Variants in ZSCAN18 observed in about 807,000 individuals in gnomAD.
ZSCAN18 encodes zinc finger and SCAN domain containing 18.
ZSCAN18 carries 16 observed loss-of-function variants against 31.1 expected under a neutral mutation model. The ratio of observed to expected loss-of-function variants is 0.51; its 90% CI spans 0.35 to 0.78. The LOEUF is 0.78. Ranked by LOEUF, ZSCAN18 falls within the 30% of genes least tolerant of loss-of-function variation. The pLI, the probability that ZSCAN18 is intolerant of heterozygous loss-of-function variation, is 0.01. For missense variants in ZSCAN18, 731 were observed against 697.4 expected, an observed-to-expected ratio of 1.05 and a Z score of -0.54; for synonymous variants, 375 against 320.7, an observed-to-expected ratio of 1.17 and a Z score of -1.81.
chr19:58,111,493 G>A (rs182081279), intron 1 of ZSCAN18, among the ~76,000 whole-genome samples: 1 of 151,842 alleles, frequency 6.6e-6, no homozygotes, highest in African/African-American at 2.4e-5. Context: ...CTACAGGTAT[G>A]CACCACCATG....
At position 58,090,528 on chromosome 19, in the gene ZSCAN18, T is replaced by G; in HGVS notation, c.-119-142A>C. ...TTGTTAGGCATCAGTAGAACCTCAG[T>G]GTTGTACTCATGTAGATAAAAAGTA... On this transcript the variant is annotated intron_variant, in intron 1 of 6. Transcript: ENST00000601144. This position sits in a 1 kb window ranked among gnomAD's most constrained non-coding sequence, Gnocchi z 4.7. The G allele has an allele frequency of 5.9e-6, 4 of 674,130 alleles. No homozygotes were observed. The highest frequency in any genetic ancestry group is 9.7e-6 in the Non-Finnish European group (4 of 412,796). The allele number at this position is 674,130 out of a possible 1,614,324, so 41.8% of individuals were successfully genotyped here. A position where few individuals can be genotyped will look rare whatever the true frequency, so the allele number is the denominator to read the frequency against.
intron 4 of ZSCAN18, 39 bp downstream of exon 4, chr19:58,087,277 A>C (rs1424562204): frequency 6.4e-7 from 1 of 1,562,006 alleles, no homozygotes; most frequent in Admixed American, 1.9e-5. Context: ...CTCTAAGCTG[A>C]GGCCAAGGCC....
chr19:58,084,995 G>C lies in ZSCAN18; in HGVS notation c.1223C>G (p.Ser408Cys), dbSNP rs779646820. ...QGPGADEPGLSRGKPYACGEC... is the reference protein window; with the variant it reads ...QGPGADEPGLCRGKPYACGEC... Reference sequence around the variant, plus strand: ...GCCGCAGGCATAGGGCTTCCCGCGGGACAAGCCCGGCTCGTCAGCCCCAGG... The same window carrying C: ...GCCGCAGGCATAGGGCTTCCCGCGGCACAAGCCCGGCTCGTCAGCCCCAGG... The change falls in exon 7 of 7, where the codon TCC becomes TGC. Residue 408 changes from serine (S) to cysteine (C), a missense_variant. Ser to Cys is a moderately radical substitution (Grantham distance 112). Around this residue, in one of 4 missense-constraint regions of ZSCAN18, gnomAD observed 597 missense variants for 499.5 expected, o/e 1.20. Coordinates refer to ENST00000601144, the MANE Select transcript of ZSCAN18 (RefSeq NM_001145543.2). The surrounding 1 kb of genome is among the most constrained non-coding windows in gnomAD (Gnocchi z 4.5). The C allele has an allele frequency of 3.8e-6, 6 of 1,594,990 alleles. No individual in the cohort carries two copies. Among genetic ancestry groups the C allele is most frequent in the Non-Finnish European group, 5.1e-6 (6 of 1,171,398 alleles).
chr19:58,109,164 G>C, intron 1 of ZSCAN18: 2 of 1,230,822 alleles, frequency 1.6e-6, no homozygotes, highest in Non-Finnish European at 2.0e-6. Context: ...TTTCTACCTG[G>C]TCCTCACATT....
At chr19:58,112,950 C>CCAAAAA (rs753238093) in intron 1 of ZSCAN18, among the ~76,000 whole-genome samples, 2 of 69,492 alleles carry the variant, frequency 2.9e-5, no homozygotes, top group African/African-American at 1.1e-4. Context: ...GGCTCCGTTT[C>CCAAAAA]AAAAAAAAAA....
At position 58,085,264 on chromosome 19, in the gene ZSCAN18, CG is replaced by C; in HGVS notation, c.953del (p.Pro318ArgfsTer111). 3 of 1,603,566 alleles carry C rather than the reference CG, an allele frequency of 1.9e-6. No individual in the cohort carries two copies. The highest frequency in any genetic ancestry group is 8.5e-7 in the Non-Finnish European group (1 of 1,178,048). On this transcript the variant is annotated frameshift_variant, in exon 7 of 7. Coordinates refer to ENST00000601144, the MANE Select transcript of ZSCAN18 (RefSeq NM_001145543.2). LOFTEE classifies it low-confidence loss of function (END_TRUNC). Reference sequence around the variant, plus strand: ...CTTCCTCCTCCTCAGTGGTGCCCGACGGGGGATCGGCAAGGGCGTCCCCAGG... The same window carrying C: ...CTTCCTCCTCCTCAGTGGTGCCCGACGGGGATCGGCAAGGGCGTCCCCAGG... Reference protein sequence around the residue: ...APPGDALADPPSGTTEEEEEQ... With the variant: ...APPGDALADPXSGTTEEEEEQ...
intron 1 of ZSCAN18, among the ~76,000 whole-genome samples, chr19:58,106,757 TTTTG>T (rs1422288375): frequency 1.8e-5 from 1 of 54,222 alleles, no homozygotes; most frequent in East Asian, 3.1e-4. Context: ...CATCTGTTTT[TTTTG>T]TTTTTTTGTT....
intron 3 of ZSCAN18, chr19:58,088,428 G>A: frequency 2.3e-6 from 1 of 433,164 alleles, no homozygotes; most frequent in Non-Finnish European, 4.2e-6. Context: ...CATGGTCGGG[G>A]GTTGGGAGAT....
chr19:58,084,914 T>C lies in ZSCAN18; in HGVS notation c.1304A>G (p.His435Arg). 1 of 1,594,964 alleles carries C rather than the reference T, an allele frequency of 6.3e-7. No individual in the cohort carries two copies. Among genetic ancestry groups the C allele is most frequent in the Non-Finnish European group, 8.5e-7 (1 of 1,172,842 alleles). The change falls in exon 7 of 7, where the codon CAT becomes CGT. Residue 435 changes from histidine to arginine, a missense_variant. This residue lies in a region of ZSCAN18 where 597 missense variants were observed against 499.5 expected (regional missense o/e 1.20). Coordinates refer to ENST00000601144, the MANE Select transcript of ZSCAN18 (RefSeq NM_001145543.2). This position sits in a 1 kb window ranked among gnomAD's most constrained non-coding sequence, Gnocchi z 4.5. The part of the protein sequence containing the change: ...LSHLMEHHSS[H>R]GGRKRYACQG... Reference sequence around the variant, plus strand: ...ACAGGCGTAGCGCTTCCGGCCGCCATGGCTGCTGTGGTGCTCCATCAGGTG... The same window carrying C: ...ACAGGCGTAGCGCTTCCGGCCGCCACGGCTGCTGTGGTGCTCCATCAGGTG...
In ZSCAN18 at chr19:58,104,748, A is replaced by AATAAAAT. The variant is rs1182821221; in HGVS notation, c.130+13518_130+13519insATTTTAT. Among the ~76,000 whole-genome samples the AATAAAAT allele has an allele frequency of 3.6e-5, 3 of 83,324 alleles. No individual in the cohort carries two copies. The East Asian group carries it at 6.4e-4, about 18-fold the overall frequency. 54.7% of individuals were successfully genotyped at this position (83,324 alleles called of 152,430 possible). Reference sequence around the variant, plus strand: ...AATAAAATAAAATAAAATAAAATAAAAAAGTCTGAAGCTAGCAGAGGTTGG... The same window carrying AATAAAAT: ...AATAAAATAAAATAAAATAAAATAAAATAAAATAAAGTCTGAAGCTAGCAGAGGTTGG... On this transcript the variant is annotated intron_variant, in intron 1 of 1. Coordinates refer to the ZSCAN18 transcript ENST00000595721.
chr19:58,102,182 G>A (rs987956420), upstream of ZSCAN18, among the ~76,000 whole-genome samples: 9 of 152,082 alleles, frequency 5.9e-5, no homozygotes, highest in African/African-American at 2.2e-4. Flanking sequence ...TACTCAGCCG[G>A]GCGCAGTGGT....
chr19:58,106,727 AAG>A (rs1273795570), intron 1 of ZSCAN18, among the ~76,000 whole-genome samples: 3 of 9,252 alleles, frequency 3.2e-4, no homozygotes, highest in African/African-American at 6.4e-4. Flanking sequence ...AAAAAAAAAA[AAG>A]AAAGAAAGAA....
chr19:58,087,198 G>T (rs2074298506), intron 4 of ZSCAN18, 118 bp downstream of exon 4: 2 of 1,178,508 alleles, frequency 1.7e-6, no homozygotes, highest in Non-Finnish European at 2.4e-6. Flanking sequence ...GGTGGGTTCT[G>T]GGCCTCAGCG....
Position 58,088,788 on chromosome 19 carries a change from T to TC in ZSCAN18, c.452dup (p.Val152SerfsTer32). The TC allele has an allele frequency of 6.2e-7, 1 of 1,612,490 alleles. No homozygotes were observed. The highest frequency in any genetic ancestry group is 8.5e-7 in the Non-Finnish European group (1 of 1,179,906). ...GAGGGTCCATGTGCCTCTCGTACAC[T>TC]CCATCGCTAAGAATTGAGGATGAGC... is the stretch of plus-strand genomic sequence containing the variant. On this transcript the variant is annotated frameshift_variant, in exon 3 of 7. Coordinates refer to ENST00000601144, the MANE Select transcript of ZSCAN18 (RefSeq NM_001145543.2). LOFTEE classifies it high-confidence loss of function.
At chr19:58,087,202 C>T (rs2074298693) in intron 4 of ZSCAN18, 114 bp downstream of exon 4, 1 of 1,227,330 alleles carries the variant, frequency 8.1e-7, no homozygotes, top group African/African-American at 1.5e-5. Context: ...GGTTCTGGGC[C>T]TCAGCGCTGT....
chr19:58,086,515 A>T, intron 5 of ZSCAN18: 2 of 497,074 alleles, frequency 4.0e-6, no homozygotes, highest in South Asian at 3.2e-5. Flanking sequence ...ACATTGACAA[A>T]AATTGCTCAG....
At chr19:58,115,048 A>C (rs2074719019) in intron 1 of ZSCAN18, among the ~76,000 whole-genome samples, 1 of 152,244 alleles carries the variant, frequency 6.6e-6, no homozygotes, top group Non-Finnish European at 1.5e-5. Context: ...CTTTCCAGGC[A>C]ATAGGTTTTG....
intron 1 of ZSCAN18, among the ~76,000 whole-genome samples, chr19:58,117,434 TG>T (rs1326007267): frequency 6.6e-6 from 1 of 151,900 alleles, no homozygotes; most frequent in Non-Finnish European, 1.5e-5. Context: ...GAAGCCTGGC[TG>T]GGAATGTTCA....
At chr19:58,114,653 C>G (rs929906406) in intron 1 of ZSCAN18, among the ~76,000 whole-genome samples, 15 of 151,888 alleles carry the variant, frequency 9.9e-5, no homozygotes, top group Admixed American at 9.2e-4. Flanking sequence ...TATATATACA[C>G]GTATGCACAA....
Sources: gnomAD v4.1 joint callset for allele counts (sites outside exome capture counted in the v4.1 genomes callset) on GRCh38, gnomAD v4.1.1 for gene constraint, gnomAD v4.1.1 regional missense constraint, Gnocchi (gnomAD v3.1) non-coding constraint, MANE v1.5 for transcripts, NCBI Gene and HGNC (gene_info 2026-07-23, HGNC 2026-07-21) for gene names.